The following SLC9C2 variants were observed in gnomAD, a reference collection of about 807,000 sequenced individuals.
SLC9C2 encodes solute carrier family 9 member C2 (putative), also known as sodium/hydrogen exchanger 11.
In SLC9C2, 75 loss-of-function variants were observed where a neutral mutation model predicts 140.2. That is an observed-to-expected ratio of 0.53 (90% CI 0.44 to 0.65). The LOEUF (loss-of-function observed/expected upper bound fraction) is 0.65. Ranked by LOEUF, SLC9C2 falls within the 30% of genes least tolerant of loss-of-function variation. SLC9C2 has a pLI of 0.00. For missense variants in SLC9C2, 1,074 were observed against 1,331.8 expected, an observed-to-expected ratio of 0.81 and a Z score of 3.01; for synonymous variants, 375 against 420.9, an observed-to-expected ratio of 0.89 and a Z score of 1.34.
chr1:173,552,152 T>A (rs1452264211), intron 11 of SLC9C2, among the ~76,000 whole-genome samples: 1 of 152,218 alleles, frequency 6.6e-6, no homozygotes, highest in Non-Finnish European at 1.5e-5. Context: ...TTCAGTTATA[T>A]GAAGGCTAAG....
intron 13 of SLC9C2, among the ~76,000 whole-genome samples, chr1:173,546,298 T>C (rs1199305682): frequency 2.0e-5 from 3 of 152,040 alleles, no homozygotes; most frequent in African/African-American, 7.2e-5. Flanking sequence ...TTTGGGAGGG[T>C]GAGGTGGGCA....
In SLC9C2 at chr1:173,554,935, C is replaced by G. The variant is rs115036241; in HGVS notation, c.1216-121G>C. ...ATATCTTAATCCACATTTTAAAATC[C>G]TGTTTCTGATAAGTCAGTTAAGGCA... is the stretch of plus-strand genomic sequence containing the variant. On this transcript the variant is annotated intron_variant, in intron 10 of 27. Transcript: ENST00000367714. 3,841 of 695,692 alleles carry G rather than the reference C, an allele frequency of 5.5e-3. 26 individuals carry two copies. The highest frequency in any genetic ancestry group is 0.015 in the Middle Eastern group (44 of 2,868). 43.1% of individuals were successfully genotyped at this position (695,692 alleles called of 1,614,324 possible).
intron 6 of SLC9C2, among the ~76,000 whole-genome samples, 192 bp from the exon 7 acceptor site, chr1:173,582,200 A>G (rs1665583576): frequency 6.6e-6 from 1 of 152,326 alleles, no homozygotes; most frequent in East Asian, 1.9e-4. Context: ...CTTCCCTTAC[A>G]GTCCGCAGCT....
At chr1:173,521,451 T>A (rs932935765) in intron 21 of SLC9C2, 52 bp from the exon 22 acceptor site, 1 of 752,928 alleles carries the variant, frequency 1.3e-6, no homozygotes, top group Non-Finnish European at 2.0e-6. Context: ...CACAAAAGCT[T>A]CCTAGTCTAC....
Position 173,529,972 on chromosome 1 carries a change from T to C in SLC9C2, c.2246A>G (p.Tyr749Cys), listed in dbSNP as rs1001534808. Reference protein sequence around the residue: ...LSLMYSITKGYIKSQEDAKLL... With the variant: ...LSLMYSITKGCIKSQEDAKLL... ...TTTGGCATCTTCTTGACTTTTGATA[T>C]AGCCTTTTGTAATACTATACATCAA... Residue 749 changes from tyrosine (Y) to cysteine (C), a missense_variant, in exon 18 of 28, where the codon TAT becomes TGT. Physicochemically the swap from Tyr to Cys is radical, Grantham distance 194. Coordinates refer to ENST00000367714, the MANE Select transcript of SLC9C2 (RefSeq NM_178527.4). 3.7e-6 allele frequency: 6 copies of C among 1,613,156 alleles called. No individual in the cohort carries two copies. The South Asian group carries it at 4.4e-5, about 12-fold the overall frequency.
chr1:173,515,679 C>A (rs1181709231), intron 23 of SLC9C2, among the ~76,000 whole-genome samples: 1 of 152,184 alleles, frequency 6.6e-6, no homozygotes, highest in Admixed American at 6.5e-5. Context: ...TCCATCTTGT[C>A]CTCCATCCAG....
intron 23 of SLC9C2, among the ~76,000 whole-genome samples, chr1:173,514,899 CT>C (rs1275983031): frequency 3.3e-5 from 5 of 152,038 alleles, no homozygotes. Flanking sequence ...TTTATTTCTC[CT>C]TTTTTTATGG....
At chr1:173,563,558 T>C (rs1664257526) in intron 9 of SLC9C2, among the ~76,000 whole-genome samples, 1 of 152,246 alleles carries the variant, frequency 6.6e-6, no homozygotes, top group South Asian at 2.1e-4. Context: ...ATTAAAAATG[T>C]TTTAATTTTT....
intron 5 of SLC9C2, among the ~76,000 whole-genome samples, chr1:173,585,983 A>T (rs895877252): frequency 9.9e-5 from 15 of 151,476 alleles, no homozygotes; most frequent in Admixed American, 2.6e-4. Flanking sequence ...ATAAAAAAAT[A>T]AAAAAAAAGA....
chr1:173,562,158 T>C (rs758994548), intron 9 of SLC9C2, among the ~76,000 whole-genome samples: 2 of 152,146 alleles, frequency 1.3e-5, no homozygotes, highest in East Asian at 1.9e-4. Context: ...CTGTGCCCAA[T>C]GACTATTGAA....
At chr1:173,590,665 T>G (rs1159686601) in intron 4 of SLC9C2, among the ~76,000 whole-genome samples, 1 of 152,180 alleles carries the variant, frequency 6.6e-6, no homozygotes, top group Non-Finnish European at 1.5e-5. Context: ...AAATAAGGGT[T>G]ATATGAACAC....
At chr1:173,516,768 G>A (rs1347457987) in intron 23 of SLC9C2, among the ~76,000 whole-genome samples, 2 of 152,180 alleles carry the variant, frequency 1.3e-5, no homozygotes, top group Non-Finnish European at 2.9e-5. Flanking sequence ...TAGTGCTGCA[G>A]TGAACATACA....
chr1:173,539,651 C>A (rs1161872451), intron 13 of SLC9C2, among the ~76,000 whole-genome samples: 1 of 152,076 alleles, frequency 6.6e-6, no homozygotes, highest in Non-Finnish European at 1.5e-5. Context: ...ATGAGTGTAG[C>A]TGGGACTAAA....
chr1:173,504,473 TC>T (rs1345334861), intron 26 of SLC9C2, among the ~76,000 whole-genome samples: 1 of 151,966 alleles, frequency 6.6e-6, no homozygotes, highest in African/African-American at 2.4e-5. Context: ...ATCGTGCAAA[TC>T]CTCCCCCCAA....
intron 4 of SLC9C2, among the ~76,000 whole-genome samples, chr1:173,593,736 G>A (rs1206984993): frequency 2.0e-5 from 3 of 152,088 alleles, no homozygotes; most frequent in African/African-American, 4.8e-5. Flanking sequence ...CCTAATTTTA[G>A]ACAAAACAGA....
intron 7 of SLC9C2, among the ~76,000 whole-genome samples, chr1:173,579,582 G>C (rs1665395604): frequency 6.6e-6 from 1 of 152,124 alleles, no homozygotes; most frequent in Non-Finnish European, 1.5e-5. Flanking sequence ...ATTGTTTAAG[G>C]ACCTTTTACT....
In SLC9C2 at chr1:173,583,622, C is replaced by A; in HGVS notation, c.524G>T (p.Gly175Val). The A allele has an allele frequency of 1.4e-6, 2 of 1,462,848 alleles. No homozygotes were observed. Among genetic ancestry groups the A allele is most frequent in the Non-Finnish European group, 1.9e-6 (2 of 1,073,228 alleles). 90.6% of individuals were successfully genotyped at this position (1,462,848 alleles called of 1,614,324 possible). ...LRSVNSLKTI[G>V]ISKIYIDLIR... ...GAGATCAATGTATATTTTAGAAATG[C>A]CTGAAAAAGGAAATACAAAATGTAA... Residue 175 changes from glycine (G) to valine (V), a missense_variant and splice_region_variant, in exon 6 of 28, where the codon GGC (glycine) becomes GTC (valine). Coordinates refer to ENST00000367714, the MANE Select transcript of SLC9C2 (RefSeq NM_178527.4).
chr1:173,595,973 T>C (rs923252650), intron 4 of SLC9C2, among the ~76,000 whole-genome samples: 1 of 152,178 alleles, frequency 6.6e-6, no homozygotes, highest in Non-Finnish European at 1.5e-5. Flanking sequence ...CAACCAATGA[T>C]GTTCTCCAGA....
At chr1:173,501,248 G>T in intron 27 of SLC9C2, 151 bp from the exon 28 acceptor site, 1 of 737,482 alleles carries the variant, frequency 1.4e-6, no homozygotes, top group Non-Finnish European at 2.0e-6. Flanking sequence ...GAAGAGTTTT[G>T]AGTGATGCAT....
Sources: allele counts gnomAD v4.1 joint callset (sites outside exome capture counted in the v4.1 genomes callset), GRCh38; gene constraint gnomAD v4.1.1; transcripts MANE v1.5; gene names NCBI Gene and HGNC (gene_info 2026-07-23, HGNC 2026-07-21).